Variants in KALRN observed in about 807,000 individuals in gnomAD.
The protein encoded by KALRN is kalirin.
KALRN carries 70 observed loss-of-function variants against 353.7 expected under a neutral mutation model. The observed-to-expected ratio is 0.20, with a 90% CI of 0.16 to 0.24. KALRN has a LOEUF of 0.24. Among genes scored for constraint, KALRN ranks in the 10% least tolerant of loss-of-function variants. The pLI is 1.00. For missense variants in KALRN, 2,791 were observed against 3,756.7 expected, an observed-to-expected ratio of 0.74 and a Z score of 6.72; for synonymous variants, 1,391 against 1,434.8, an observed-to-expected ratio of 0.97 and a Z score of 0.69.
At chr3:124,255,941 G>A (rs557807504) in intron 3 of KALRN, among the ~76,000 whole-genome samples, 1 of 152,312 alleles carries the variant, frequency 6.6e-6, no homozygotes, top group Admixed American at 6.5e-5. Flanking sequence ...TGGATAATGT[G>A]TTGTCTGTTT....
intron 1 of KALRN, among the ~76,000 whole-genome samples, chr3:124,214,386 T>A (rs887840950): frequency 1.3e-5 from 2 of 152,206 alleles, no homozygotes; most frequent in Non-Finnish European, 2.9e-5. Context: ...TTGAAATATA[T>A]AAAGCTATCA....
At chr3:124,563,199 C>A in intron 34 of KALRN, 110 bp downstream of exon 34, 1 of 1,180,538 alleles carries the variant, frequency 8.5e-7, no homozygotes, top group Non-Finnish European at 1.1e-6. Flanking sequence ...CCCATTTTTA[C>A]CCTGTGGGGT....
intron 51 of KALRN, among the ~76,000 whole-genome samples, chr3:124,680,930 G>T (rs2087709262): frequency 6.6e-6 from 1 of 152,172 alleles, no homozygotes; most frequent in African/African-American, 2.4e-5. Flanking sequence ...GCATTTCACA[G>T]GATAGGCACC....
intron 1 of KALRN, among the ~76,000 whole-genome samples, chr3:124,076,113 A>G (rs1430416141): frequency 6.6e-6 from 1 of 152,224 alleles, no homozygotes; most frequent in Non-Finnish European, 1.5e-5. Flanking sequence ...CAGCAGGAGA[A>G]ACTAATTTTG....
intron 33 of KALRN, among the ~76,000 whole-genome samples, chr3:124,506,178 C>T (rs2065202239): frequency 6.6e-6 from 1 of 152,256 alleles, no homozygotes; most frequent in Non-Finnish European, 1.5e-5. Flanking sequence ...TTAAGGGCAC[C>T]TTGCCTCAGG....
At chr3:124,717,160 T>TA (rs1338462559) in intron 58 of KALRN, 87 bp from the exon 59 acceptor site, 1 of 1,297,480 alleles carries the variant, frequency 7.7e-7, no homozygotes, top group Non-Finnish European at 1.1e-6. Context: ...TGAGAGAGTT[T>TA]AGAGATCTTA....
intron 34 of KALRN, among the ~76,000 whole-genome samples, chr3:124,626,934 A>C (rs1425196581): frequency 2.6e-5 from 4 of 152,220 alleles, no homozygotes; most frequent in Non-Finnish European, 2.9e-5. Context: ...TCTGTTTCCT[A>C]AGGTGGGAAT....
At chr3:124,056,716 T>G (rs2041578077) in intron 1 of KALRN, among the ~76,000 whole-genome samples, 1 of 152,178 alleles carries the variant, frequency 6.6e-6, no homozygotes, top group Admixed American at 6.5e-5. Context: ...TCCCTAGCTA[T>G]TAGAAATCCA....
chr3:124,595,923 T>C (rs2076224038), intron 34 of KALRN, among the ~76,000 whole-genome samples: 1 of 152,186 alleles, frequency 6.6e-6, no homozygotes, highest in Non-Finnish European at 1.5e-5. Context: ...TGTGGCATTC[T>C]GGAATGAAAG....
intron 1 of KALRN, among the ~76,000 whole-genome samples, chr3:124,060,430 G>T (rs1036009711): frequency 6.6e-6 from 1 of 152,124 alleles, no homozygotes; most frequent in African/African-American, 2.4e-5. Context: ...ATCTATCATG[G>T]TGTTTTCTAT....
At chr3:124,039,273 C>T (rs2039720010) in intron 1 of KALRN, among the ~76,000 whole-genome samples, 1 of 152,220 alleles carries the variant, frequency 6.6e-6, no homozygotes, top group African/African-American at 2.4e-5. Flanking sequence ...TCCCTGCCTT[C>T]TTCTGGGAGC....
At chr3:124,613,383 T>C (rs1480018234) in intron 34 of KALRN, among the ~76,000 whole-genome samples, 3 of 152,172 alleles carry the variant, frequency 2.0e-5, no homozygotes, top group African/African-American at 7.2e-5. Flanking sequence ...AGCAGCTTAG[T>C]GGGTACATTG....
At chr3:124,302,556 C>A (rs928197742) in intron 6 of KALRN, among the ~76,000 whole-genome samples, 1 of 152,166 alleles carries the variant, frequency 6.6e-6, no homozygotes, top group African/African-American at 2.4e-5. Context: ...TAATAACTTA[C>A]CTGTTCTGTT....
chr3:124,589,512 G>A (rs2075560486), intron 34 of KALRN, among the ~76,000 whole-genome samples: 1 of 152,158 alleles, frequency 6.6e-6, no homozygotes, highest in South Asian at 2.1e-4. Flanking sequence ...AGGATCGGTT[G>A]AGCCCATGAA....
chr3:124,114,161 T>C (rs552713441), intron 1 of KALRN, among the ~76,000 whole-genome samples: 1 of 152,330 alleles, frequency 6.6e-6, no homozygotes, highest in Admixed American at 6.5e-5. Flanking sequence ...GGTAGAAGTG[T>C]AACTTCAGTC....
chr3:124,315,158 G>T (rs1027175496), intron 6 of KALRN, among the ~76,000 whole-genome samples: 2 of 152,148 alleles, frequency 1.3e-5, no homozygotes, highest in Non-Finnish European at 2.9e-5. Flanking sequence ...ACATTTCTCC[G>T]ACCTCAAGAG....
intron 1 of KALRN, among the ~76,000 whole-genome samples, chr3:124,046,571 G>A (rs974449813): frequency 6.6e-6 from 1 of 152,152 alleles, no homozygotes; most frequent in Non-Finnish European, 1.5e-5. Context: ...TTTCAGAATG[G>A]GCTGGGTATG....
chr3:124,390,589 G>T (rs2007392), intron 11 of KALRN, among the ~76,000 whole-genome samples: 19 of 152,154 alleles, frequency 1.2e-4, no homozygotes, highest in Middle Eastern at 6.8e-3. Context: ...TAAGAAACAA[G>T]CTGGTGGTTG....
chr3:124,421,727 C>G (rs1258564826), intron 14 of KALRN, among the ~76,000 whole-genome samples: 1 of 152,144 alleles, frequency 6.6e-6, no homozygotes, highest in Admixed American at 6.5e-5. Context: ...TTTGCTCTCT[C>G]TCCGAGTTCG....
Sources: gnomAD v4.1 joint callset for allele counts (sites outside exome capture counted in the v4.1 genomes callset) on GRCh38, gnomAD v4.1.1 for gene constraint, MANE v1.5 for transcripts, NCBI Gene and HGNC (gene_info 2026-07-23, HGNC 2026-07-21) for gene names.